The following CNTNAP2 variants were observed in gnomAD, a reference collection of about 807,000 sequenced individuals.
The protein encoded by CNTNAP2 is contactin associated protein 2, also known as contactin-associated protein-like 2.
A neutral mutation model predicts 155.2 loss-of-function variants in CNTNAP2; 98 were observed. That is an observed-to-expected ratio of 0.63 (90% CI 0.54 to 0.75). The LOEUF (loss-of-function observed/expected upper bound fraction) is 0.75, where lower values mean the gene tolerates loss of function less well. Ranked by LOEUF, CNTNAP2 falls within the 30% of genes least tolerant of loss-of-function variation. CNTNAP2 has a pLI of 0.00. For missense variants in CNTNAP2, 1,727 were observed against 1,688.1 expected, an observed-to-expected ratio of 1.02 and a Z score of -0.40; for synonymous variants, 651 against 631.2, an observed-to-expected ratio of 1.03 and a Z score of -0.47.
chr7:146,664,514 A>G (rs1423682489), intron 1 of CNTNAP2, among the ~76,000 whole-genome samples: 3 of 152,054 alleles, frequency 2.0e-5, no homozygotes, highest in African/African-American at 4.8e-5. Flanking sequence ...ACAAAACTCC[A>G]CTTGGTATGA....
At chr7:146,470,041 G>A (rs922903261) in intron 1 of CNTNAP2, among the ~76,000 whole-genome samples, 24 of 151,124 alleles carry the variant, frequency 1.6e-4, no homozygotes, top group Middle Eastern at 3.5e-3. Context: ...GGGTTTCACC[G>A]TGTTAGCCAG....
intron 1 of CNTNAP2, among the ~76,000 whole-genome samples, chr7:146,672,965 C>T (rs1303359845): frequency 6.6e-6 from 1 of 152,010 alleles, no homozygotes; most frequent in Admixed American, 6.6e-5. Flanking sequence ...TTAAAACTAT[C>T]ATTATAGATT....
chr7:146,469,389 A>T (rs1041289080), intron 1 of CNTNAP2, among the ~76,000 whole-genome samples: 1 of 152,098 alleles, frequency 6.6e-6, no homozygotes, highest in Non-Finnish European at 1.5e-5. Flanking sequence ...TTAAAAAAAA[A>T]AAATAGTGCC....
chr7:147,609,372 A>G (rs1223376468), intron 12 of CNTNAP2, among the ~76,000 whole-genome samples: 1 of 152,106 alleles, frequency 6.6e-6, no homozygotes, highest in Non-Finnish European at 1.5e-5. Flanking sequence ...TCCACTAAAA[A>G]TACAAAAAAT....
intron 14 of CNTNAP2, among the ~76,000 whole-genome samples, chr7:147,933,869 CAAAA>C (rs1400675522): frequency 6.6e-6 from 1 of 151,436 alleles, no homozygotes; most frequent in Non-Finnish European, 1.5e-5. Context: ...TCTCAAAAAA[CAAAA>C]AGAAAGAAAA....
At chr7:146,879,454 A>G (rs1795494530) in intron 3 of CNTNAP2, among the ~76,000 whole-genome samples, 1 of 152,050 alleles carries the variant, frequency 6.6e-6, no homozygotes, top group African/African-American at 2.4e-5. Flanking sequence ...CTTTTCTATT[A>G]ATTATCCTTC....
In CNTNAP2 at chr7:148,061,958, G is replaced by GATAAACAGAT. The variant is rs1563185436; in HGVS notation, c.2384-56157_2384-56156insAACAGATATA. On this transcript the variant is annotated intron_variant, in intron 15 of 23. Transcript: ENST00000361727. ...ATAGATAGATAGATAAACAGATATA[G>GATAAACAGAT]ATAGATAGATAGATAGATAGATAGA... Among the ~76,000 whole-genome samples, 102 of 29,834 alleles carry GATAAACAGAT rather than the reference G, an allele frequency of 3.4e-3. 1 individual carries two copies. The highest frequency in any genetic ancestry group is 3.8e-3 in the Admixed American group (12 of 3,154). The allele number at this position is 29,834 out of a possible 152,430, so 19.6% of individuals were successfully genotyped here.
At chr7:146,952,841 T>C (rs1797350185) in intron 3 of CNTNAP2, among the ~76,000 whole-genome samples, 1 of 152,108 alleles carries the variant, frequency 6.6e-6, no homozygotes, top group Non-Finnish European at 1.5e-5. Flanking sequence ...CCAGTAGATT[T>C]ATTTTCATTC....
rs57395379 is a variant in CNTNAP2, at chr7:147,635,184, C to CTATATATATATATATATATATATA, written c.1898-3905_1898-3904insATATATATATATATATATATATAT. 1.2e-3 allele frequency among the ~76,000 whole-genome samples: 165 copies of CTATATATATATATATATATATATA among 137,064 alleles called. 3 individuals carry two copies. Among genetic ancestry groups the CTATATATATATATATATATATATA allele is most frequent in the African/African-American group, 4.7e-3 (149 of 32,026 alleles). The allele number at this position is 137,064 out of a possible 152,430, so 89.9% of individuals were successfully genotyped here. A position where few individuals can be genotyped will look rare whatever the true frequency, so the allele number is the denominator to read the frequency against. ...TCTCCCAGCCATTATCACTGGCAAA[C>CTATATATATATATATATATATATA]TATATATATATATATATGTTTAATT... On this transcript the variant is annotated intron_variant, in intron 12 of 23. Coordinates refer to ENST00000361727, the MANE Select transcript of CNTNAP2 (RefSeq NM_014141.6).
At chr7:147,016,912 T>C (rs1267254162) in intron 3 of CNTNAP2, among the ~76,000 whole-genome samples, 1 of 151,916 alleles carries the variant, frequency 6.6e-6, no homozygotes, top group Non-Finnish European at 1.5e-5. Context: ...GAAAAATGTG[T>C]CCGGCCAATG....
At chr7:146,287,639 TA>T (rs1440460354) in intron 1 of CNTNAP2, among the ~76,000 whole-genome samples, 1 of 152,174 alleles carries the variant, frequency 6.6e-6, no homozygotes, top group Admixed American at 6.5e-5. Context: ...AGCCTCCAAC[TA>T]AGCAAAATAT....
At chr7:147,795,037 A>C (rs777118818) in intron 13 of CNTNAP2, among the ~76,000 whole-genome samples, 1 of 151,728 alleles carries the variant, frequency 6.6e-6, no homozygotes, top group Middle Eastern at 3.2e-3. Context: ...TCAAAGAATT[A>C]GTTTTGATTA....
chr7:146,695,313 G>A (rs1449678206), intron 1 of CNTNAP2, among the ~76,000 whole-genome samples: 2 of 152,110 alleles, frequency 1.3e-5, no homozygotes, highest in African/African-American at 2.4e-5. Flanking sequence ...GTTGGATTTT[G>A]TCAAATGCCT....
At chr7:146,892,375 C>T (rs968942755) in intron 3 of CNTNAP2, among the ~76,000 whole-genome samples, 4 of 152,176 alleles carry the variant, frequency 2.6e-5, no homozygotes, top group Non-Finnish European at 5.9e-5. Context: ...ACATTCCAAT[C>T]ATTCCATTGG....
intron 22 of CNTNAP2, among the ~76,000 whole-genome samples, chr7:148,386,871 G>A (rs1799222145): frequency 6.6e-6 from 1 of 152,184 alleles, no homozygotes; most frequent in Non-Finnish European, 1.5e-5. Flanking sequence ...TATATGCCCA[G>A]CTTAGTAGGG....
At chr7:146,851,375 T>C (rs1794874737) in intron 3 of CNTNAP2, among the ~76,000 whole-genome samples, 2 of 152,162 alleles carry the variant, frequency 1.3e-5, no homozygotes, top group South Asian at 4.1e-4. Flanking sequence ...TCTTTAATGC[T>C]ATTGTTGGTG....
intron 18 of CNTNAP2, among the ~76,000 whole-genome samples, chr7:148,202,581 G>T (rs1291536097): frequency 6.6e-6 from 1 of 152,156 alleles, no homozygotes; most frequent in East Asian, 1.9e-4. Context: ...GCAAAAAGAG[G>T]GGTGTGCTTG....
chr7:147,797,217 A>G (rs1797911526), intron 13 of CNTNAP2, among the ~76,000 whole-genome samples: 1 of 152,126 alleles, frequency 6.6e-6, no homozygotes, highest in Non-Finnish European at 1.5e-5. Context: ...ACCTTTGTAA[A>G]AAAAACTATC....
intron 16 of CNTNAP2, among the ~76,000 whole-genome samples, chr7:148,140,037 G>A (rs748633998): frequency 4.6e-5 from 7 of 152,164 alleles, no homozygotes; most frequent in South Asian, 4.1e-4. Flanking sequence ...TTCTGCTGCC[G>A]AAGGCTGCTA....
Sources: allele counts gnomAD v4.1 joint callset (sites outside exome capture counted in the v4.1 genomes callset), GRCh38; gene constraint gnomAD v4.1.1; transcripts MANE v1.5; gene names NCBI Gene and HGNC (gene_info 2026-07-23, HGNC 2026-07-21).